GTF2E2: variants seen among roughly 807,000 people sequenced by gnomAD.
GTF2E2 encodes general transcription factor IIE subunit 2, also known as transcription initiation factor IIE subunit beta.
A neutral mutation model predicts 40.5 loss-of-function variants in GTF2E2; 21 were observed. The observed-to-expected ratio is 0.52, with a 90% confidence interval of 0.37 to 0.75. The LOEUF (loss-of-function observed/expected upper bound fraction) is 0.75, where lower values mean the gene tolerates loss of function less well. GTF2E2 is among the 30% of genes least tolerant of loss of function. The pLI is 0.00. For synonymous variants in GTF2E2, 117 were observed against 121.6 expected (o/e 0.96, Z 0.25); for missense variants, 298 against 338.4 (o/e 0.88, Z 0.94).
At chr8:30,618,429 T>C (rs898343412) in intron 3 of GTF2E2, among the ~76,000 whole-genome samples, 2 of 152,166 alleles carry the variant, frequency 1.3e-5, no homozygotes, top group Non-Finnish European at 2.9e-5. Context: ...GTGACATGCA[T>C]GTAGGAATCC....
rs184783089 is a variant in GTF2E2, at chr8:30,623,928, T to A, written c.259-9213A>T. Among the ~76,000 whole-genome samples the A allele has an allele frequency of 3.1e-4, 47 of 151,872 alleles. 1 individual carries two copies. The highest frequency in any genetic ancestry group is 5.2e-4 in the Admixed American group (8 of 15,272). ...GGATATCAGCCCTTTGTCAGATGAG[T>A]AGATTGGAAAAATTTTCTCCCATTC... On this transcript the variant is annotated intron_variant, in intron 3 of 7. Coordinates refer to ENST00000355904, the MANE Select transcript of GTF2E2 (RefSeq NM_002095.6).
At chr8:30,605,269 A>T (rs947097629) in intron 6 of GTF2E2, among the ~76,000 whole-genome samples, 1 of 152,254 alleles carries the variant, frequency 6.6e-6, no homozygotes, top group African/African-American at 2.4e-5. Context: ...TGACGGAGAA[A>T]CTAAAACTTA....
At chr8:30,637,268 G>A (rs1322464744) in intron 2 of GTF2E2, 5 of 455,902 alleles carry the variant, frequency 1.1e-5, no homozygotes, top group African/African-American at 4.0e-5. Flanking sequence ...ATAAACAACT[G>A]GGAAGACTAT....
At chr8:30,618,157 C>T (rs1800978826) in intron 3 of GTF2E2, among the ~76,000 whole-genome samples, 5 of 151,732 alleles carry the variant, frequency 3.3e-5, no homozygotes, top group Admixed American at 2.0e-4. Flanking sequence ...ATTAGCCGAA[C>T]ATGGTGGCAC....
At chr8:30,611,116 G>C (rs922143725) in intron 5 of GTF2E2, among the ~76,000 whole-genome samples, 1 of 152,096 alleles carries the variant, frequency 6.6e-6, no homozygotes, top group South Asian at 2.1e-4. Context: ...CCAAGCAAAC[G>C]GGCTAAGGCT....
At position 30,580,267 on chromosome 8, in the gene GTF2E2, TAG is replaced by T; in HGVS notation, c.759+12_759+13del. ...AGGGCAGGGGATTAAGCTGCTTTGC[TAG>T]AGATTACGCACCACTTTCTTTGGTC... On this transcript the variant is annotated intron_variant, in intron 7 of 7. Transcript: ENST00000355904. 5.7e-6 allele frequency: 8 copies of T among 1,398,752 alleles called. No homozygotes were observed. The highest frequency in any genetic ancestry group is 8.1e-6 in the Non-Finnish European group (8 of 983,316). 86.6% of individuals were successfully genotyped at this position (1,398,752 alleles called of 1,614,324 possible). A position where few individuals can be genotyped will look rare whatever the true frequency, so the allele number is the denominator to read the frequency against.
intron 2 of GTF2E2, among the ~76,000 whole-genome samples, chr8:30,650,551 A>C (rs1363921503): frequency 1.3e-5 from 2 of 150,574 alleles, no homozygotes; most frequent in Non-Finnish European, 3.0e-5. Flanking sequence ...AAAAGTTTTA[A>C]TTAGCCAAAT....
intron 6 of GTF2E2, among the ~76,000 whole-genome samples, chr8:30,606,834 C>T (rs977218056): frequency 6.6e-6 from 1 of 152,018 alleles, no homozygotes; most frequent in Non-Finnish European, 1.5e-5. Context: ...TCCTGAACTG[C>T]GATTGTAAGT....
At chr8:30,598,051 T>C (rs926357438) in intron 6 of GTF2E2, among the ~76,000 whole-genome samples, 3 of 152,382 alleles carry the variant, frequency 2.0e-5, no homozygotes, top group East Asian at 3.9e-4. Flanking sequence ...TAAGTTCTAA[T>C]TTATCAACAT....
chr8:30,655,807 T>A (rs1423068933), intron 1 of GTF2E2, among the ~76,000 whole-genome samples: 2 of 151,516 alleles, frequency 1.3e-5, no homozygotes, highest in African/African-American at 4.9e-5. Flanking sequence ...TCAGTTTCAA[T>A]TTTTTTTTCT....
At chr8:30,604,621 G>T (rs908484952) in intron 6 of GTF2E2, among the ~76,000 whole-genome samples, 2 of 152,206 alleles carry the variant, frequency 1.3e-5, no homozygotes, top group Non-Finnish European at 2.9e-5. Flanking sequence ...TACAGAACTT[G>T]TTCCTGATTA....
intron 3 of GTF2E2, among the ~76,000 whole-genome samples, chr8:30,621,630 G>C (rs1801105436): frequency 6.6e-6 from 1 of 151,948 alleles, no homozygotes; most frequent in Non-Finnish European, 1.5e-5. Flanking sequence ...TTCGTACTTT[G>C]TTTCACTTTC....
chr8:30,651,602 T>C (rs1023471028), intron 2 of GTF2E2, among the ~76,000 whole-genome samples: 18 of 152,066 alleles, frequency 1.2e-4, no homozygotes, highest in African/African-American at 4.3e-4. Context: ...AAAAAATTTG[T>C]AAAAAGCCAT....
chr8:30,584,808 G>C (rs1828624057), intron 6 of GTF2E2: 1 of 152,188 alleles, frequency 6.6e-6, no homozygotes, highest in South Asian at 2.1e-4. Context: ...GCCTGGCTGT[G>C]ACCTCAGTTA....
At chr8:30,628,249 T>A (rs537406567) in intron 3 of GTF2E2, among the ~76,000 whole-genome samples, 15 of 152,178 alleles carry the variant, frequency 9.9e-5, no homozygotes, top group Non-Finnish European at 1.9e-4. Context: ...AGAAATCAAG[T>A]AGAAAATTTT....
intron 1 of GTF2E2, chr8:30,656,808 A>AG (rs1399306544): frequency 2.4e-5 from 3 of 123,944 alleles, no homozygotes; most frequent in Admixed American, 8.2e-5. Context: ...ACTCCGTCTC[A>AG]GAAAAAAAAA....
At position 30,653,435 on chromosome 8, in the gene GTF2E2, G is replaced by C. The variant is rs909336835; in HGVS notation, c.164C>G (p.Ser55Cys). The C allele has an allele frequency of 6.2e-6, 10 of 1,610,014 alleles. No homozygotes were observed. The African/African-American group carries it at 1.1e-4, about 17-fold the overall frequency. The change falls in exon 2 of 8, where the codon TCT (serine) becomes TGT (cysteine). Residue 55 changes from serine (S) to cysteine (C), a missense_variant and splice_region_variant. By Grantham distance (112) the Ser-to-Cys change is moderately radical. Transcript: ENST00000355904. Reference sequence around the variant, plus strand: ...CAGTCCTAAACAATTTTACTAACCAGAATTTTGTTTAGAGCCTGACGATCC... The same window carrying C: ...CAGTCCTAAACAATTTTACTAACCACAATTTTGTTTAGAGCCTGACGATCC... ...HGGSSGSKQNSDHSNGSFNLK... is the reference protein window; with the variant it reads ...HGGSSGSKQNCDHSNGSFNLK...
intron 3 of GTF2E2, among the ~76,000 whole-genome samples, chr8:30,624,332 T>C (rs1801204868): frequency 6.6e-6 from 1 of 152,064 alleles, no homozygotes; most frequent in Non-Finnish European, 1.5e-5. Context: ...AGATGTGTGG[T>C]ATTATTTCCG....
intron 2 of GTF2E2, among the ~76,000 whole-genome samples, chr8:30,653,126 A>T (rs1222965010): frequency 6.6e-6 from 1 of 152,258 alleles, no homozygotes; most frequent in Non-Finnish European, 1.5e-5. Context: ...ATTGGACTGT[A>T]ATAACAGCTG....
Sources: gnomAD v4.1 joint callset for allele counts (sites outside exome capture counted in the v4.1 genomes callset) on GRCh38, gnomAD v4.1.1 for gene constraint, MANE v1.5 for transcripts, NCBI Gene and HGNC (gene_info 2026-07-23, HGNC 2026-07-21) for gene names.